Variants in RGL3 observed in about 807,000 individuals in gnomAD.
The protein encoded by RGL3 is ral guanine nucleotide dissociation stimulator like 3.
Under a neutral mutation model 90.6 loss-of-function variants are expected in RGL3, and 85 were observed. The observed-to-expected ratio is 0.94, with a 90% confidence interval of 0.79 to 1.12. RGL3 has a LOEUF of 1.12. Ranked by LOEUF, RGL3 falls within the 50% of genes most tolerant of loss-of-function variation. RGL3 has a pLI of 0.00. For synonymous variants in RGL3, 408 were observed against 385.5 expected (o/e 1.06, Z -0.68); for missense variants, 1,034 against 939.2 (o/e 1.10, Z -1.32).
chr19:11,407,015 T>A, intron 5 of RGL3, 151 bp from the exon 6 acceptor site: 1 of 709,674 alleles, frequency 1.4e-6, no homozygotes, highest in Non-Finnish European at 2.2e-6. Context: ...TGAGACAGTC[T>A]TACTCTGTTG....
intron 5 of RGL3, among the ~76,000 whole-genome samples, chr19:11,414,583 C>T (rs950110613): frequency 7.3e-6 from 1 of 137,218 alleles, no homozygotes; most frequent in East Asian, 2.1e-4. Context: ...AGAGAAGTGG[C>T]TGCTACTTTG....
At chr19:11,410,278 G>C (rs1422668279) in intron 5 of RGL3, among the ~76,000 whole-genome samples, 1 of 151,826 alleles carries the variant, frequency 6.6e-6, no homozygotes, top group Non-Finnish European at 1.5e-5. Context: ...TGGGATTACA[G>C]GCATGAGCCA....
intron 1 of RGL3, 115 bp downstream of exon 1, chr19:11,419,131 G>A (rs1444402008): frequency 1.7e-6 from 2 of 1,144,736 alleles, no homozygotes; most frequent in Non-Finnish European, 2.5e-6. Flanking sequence ...CCCAGGAGGG[G>A]ACTCCAGGGC....
chr19:11,400,740 G>A (rs1450999359), intron 13 of RGL3, among the ~76,000 whole-genome samples: 1 of 151,600 alleles, frequency 6.6e-6, no homozygotes, highest in Admixed American at 6.6e-5. Context: ...CTGTAATTGC[G>A]GCTACCGGGG....
chr19:11,402,556 G>A lies in RGL3; in HGVS notation c.1243-15C>T. 6.2e-7 allele frequency: 1 copy of A among 1,606,132 alleles called. No individual in the cohort carries two copies. The highest frequency in any genetic ancestry group is 1.1e-5 in the South Asian group (1 of 90,438). ...GGGGGTGGTTTCTGCAGCCCCCAAA[G>A]CTCCAGTCACTTGGGGCCATTACTG... is the stretch of plus-strand genomic sequence containing the variant. On this transcript the variant is annotated splice_polypyrimidine_tract_variant and intron_variant, in intron 10 of 18. Transcript: ENST00000380456.
intron 5 of RGL3, among the ~76,000 whole-genome samples, chr19:11,415,046 CT>C (rs1485456620): frequency 6.6e-6 from 1 of 151,784 alleles, no homozygotes; most frequent in Non-Finnish European, 1.5e-5. Context: ...AGGAGAATGG[CT>C]TGAGCCCAGG....
At chr19:11,400,801 G>T (rs796534944) in intron 13 of RGL3, among the ~76,000 whole-genome samples, 1 of 151,738 alleles carries the variant, frequency 6.6e-6, no homozygotes, top group South Asian at 2.1e-4. Context: ...GCTACAGTGA[G>T]CCGAGATCAC....
intron 9 of RGL3, 114 bp from the exon 10 acceptor site, chr19:11,402,820 G>C: frequency 1.1e-6 from 1 of 939,050 alleles, no homozygotes; most frequent in South Asian, 1.6e-5. Context: ...TCAAAAGTCA[G>C]TGGTAGGCCA....
At chr19:11,398,749 CAACCTCCGTCTCCTGGGTTCA>C (rs555926037) in intron 16 of RGL3, among the ~76,000 whole-genome samples, 114 of 152,276 alleles carry the variant, frequency 7.5e-4, no homozygotes, top group African/African-American at 2.7e-3. Context: ...CAGCTCACTG[CAACCTCCGTCTCCTGGGTTCA>C]AGTGATTCTC....
intron 1 of RGL3, 105 bp from the exon 2 acceptor site, chr19:11,418,889 G>T (rs1045584676): frequency 1.1e-6 from 1 of 896,982 alleles, no homozygotes; most frequent in Non-Finnish European, 1.6e-6. Context: ...GCATCCCCAC[G>T]CCCCTTCCCG....
chr19:11,399,062 C>T (rs533694869), intron 16 of RGL3, among the ~76,000 whole-genome samples: 64 of 152,262 alleles, frequency 4.2e-4, no homozygotes, highest in African/African-American at 1.5e-3. Flanking sequence ...TCAAGCGATC[C>T]TTCCACCTCA....
Position 11,416,982 on chromosome 19 carries a change from C to T in RGL3, c.225G>A (p.Glu75=). 1 of 1,613,924 alleles carries T rather than the reference C, an allele frequency of 6.2e-7. No individual in the cohort carries two copies. Among genetic ancestry groups the T allele is most frequent in the East Asian group, 2.2e-5 (1 of 44,876 alleles). ...CAAACACCAACTCTCCCACCAGCCGCTCCAGGCGCGCTGCCCTCAGCACCC... is the reference window on the plus strand; with the variant it reads ...CAAACACCAACTCTCCCACCAGCCGTTCCAGGCGCGCTGCCCTCAGCACCC... The part of the protein sequence containing the change: ...KVRVLRAARL[E]RLVGELVFGD... The change falls in exon 3 of 19, where the codon GAG becomes GAA. Residue 75 remains glutamate (E), a synonymous_variant. Coordinates refer to ENST00000380456, the MANE Select transcript of RGL3 (RefSeq NM_001035223.4).
At chr19:11,411,919 T>C (rs1005315500) in intron 5 of RGL3, among the ~76,000 whole-genome samples, 3 of 152,264 alleles carry the variant, frequency 2.0e-5, no homozygotes, top group Non-Finnish European at 4.4e-5. Context: ...CTGGCCTGGA[T>C]TGGATTTTTT....
intron 9 of RGL3, 24 bp from the exon 10 acceptor site, chr19:11,402,730 C>G (rs1330758387): frequency 2.5e-6 from 4 of 1,609,246 alleles, no homozygotes; most frequent in Non-Finnish European, 3.4e-6. Flanking sequence ...AAAACTGAGC[C>G]AGGTCTGGGG....
intron 2 of RGL3, among the ~76,000 whole-genome samples, chr19:11,417,470 CTT>C (rs66697430): frequency 7.9e-5 from 9 of 114,488 alleles, no homozygotes; most frequent in Admixed American, 1.9e-4. Context: ...CCTAGCACCA[CTT>C]TTTTTTTTTT....
chr19:11,396,470 C>T (rs1968575562), intron 18 of RGL3, among the ~76,000 whole-genome samples: 1 of 151,378 alleles, frequency 6.6e-6, no homozygotes, highest in Non-Finnish European at 1.5e-5. Context: ...CGCACCCAGC[C>T]AATTTCTCTA....
chr19:11,416,654 T>G lies in RGL3; in HGVS notation c.385A>C (p.Lys129Gln), dbSNP rs1190222921. The G allele has an allele frequency of 6.2e-7, 1 of 1,614,088 alleles. No homozygotes were observed. Among genetic ancestry groups the G allele is most frequent in the Non-Finnish European group, 8.5e-7 (1 of 1,180,012 alleles). The change falls in exon 4 of 19, where the codon AAG becomes CAG. Residue 129 changes from lysine (K) to glutamine (Q), a missense_variant. Physicochemically the swap from Lys to Gln is moderately conservative, Grantham distance 53. Coordinates refer to ENST00000380456, the MANE Select transcript of RGL3 (RefSeq NM_001035223.4). ...AAGCTCAGATCTTGTACCGCTGTCTTCTTGATCTCTACCCTGGGAAGAGGC... is the reference window on the plus strand; with the variant it reads ...AAGCTCAGATCTTGTACCGCTGTCTGCTTGATCTCTACCCTGGGAAGAGGC... The part of the protein sequence containing the change: ...PPPPPGVEIK[K>Q]TAVQDLSFNK...
chr19:11,403,223 G>A (rs1227819414), intron 9 of RGL3, among the ~76,000 whole-genome samples: 1 of 150,970 alleles, frequency 6.6e-6, no homozygotes, highest in Non-Finnish European at 1.5e-5. Context: ...TTTTAGTAGA[G>A]ACAGGGTTTC....
chr19:11,407,048 C>T (rs1968797484), intron 5 of RGL3, 184 bp from the exon 6 acceptor site: 1 of 552,052 alleles, frequency 1.8e-6, no homozygotes, highest in African/African-American at 1.9e-5. Flanking sequence ...TACAATGGCG[C>T]AATCTCAGCT....
Sources: gnomAD v4.1 joint callset for allele counts (sites outside exome capture counted in the v4.1 genomes callset) on GRCh38, gnomAD v4.1.1 for gene constraint, MANE v1.5 for transcripts, NCBI Gene and HGNC (gene_info 2026-07-23, HGNC 2026-07-21) for gene names.